ADORA2A: variants seen among roughly 807,000 people sequenced by gnomAD.
ADORA2A encodes the protein adenosine receptor A2a.
ADORA2A carries 11 observed loss-of-function variants against 18.4 expected under a neutral mutation model. That is an observed-to-expected ratio of 0.60 (90% CI 0.38 to 0.99). The LOEUF is 0.99. Ranked by LOEUF, ADORA2A falls within the 50% of genes least tolerant of loss-of-function variation. The probability of loss-of-function intolerance (pLI) is 0.01; values close to 1 mark genes in which losing one functional copy is unlikely to be tolerated. For synonymous variants in ADORA2A, 218 were observed against 237.3 expected (o/e 0.92, Z 0.75); for missense variants, 449 against 556.1 (o/e 0.81, Z 1.94).
chr22:24,433,369 C>G lies in ADORA2A; in HGVS notation c.-36C>G. The G allele has an allele frequency of 6.5e-7, 1 of 1,549,552 alleles. No individual in the cohort carries two copies. Among genetic ancestry groups the G allele is most frequent in the Non-Finnish European group, 8.8e-7 (1 of 1,142,524 alleles). ...GCAATGGACCGTGAGCTGGCCCAGC[C>G]CGCGTCCGTGCTGAGCCTGCCTGTC... is the stretch of plus-strand genomic sequence containing the variant. On this transcript the variant is annotated 5_prime_UTR_variant, in exon 2 of 3. Coordinates refer to ENST00000337539, the MANE Select transcript of ADORA2A (RefSeq NM_000675.6).
upstream of ADORA2A, among the ~76,000 whole-genome samples, chr22:24,424,247 C>T (rs1314386998): frequency 6.6e-6 from 1 of 151,920 alleles, no homozygotes; most frequent in Admixed American, 6.5e-5. The surrounding 1 kb of genome is among the most constrained non-coding windows in gnomAD (Gnocchi z 4.9). Context: ...GCGTGCGGGA[C>T]CCTCCGAGCT....
intron 2 of ADORA2A, 74 bp from the exon 3 acceptor site, chr22:24,440,509 C>G (rs2043312355): frequency 7.0e-7 from 1 of 1,429,160 alleles, no homozygotes; most frequent in African/African-American, 1.4e-5. Flanking sequence ...ACGGGTGCTG[C>G]TCTGGGGTTC....
In ADORA2A at chr22:24,440,897, T is replaced by A; in HGVS notation, c.647T>A (p.Leu216Gln). 6.2e-7 allele frequency: 1 copy of A among 1,614,210 alleles called. No individual in the cohort carries two copies. The highest frequency in any genetic ancestry group is 8.5e-7 in the Non-Finnish European group (1 of 1,180,034). ...RQLKQMESQP[L>Q]PGERARSTLQ... Reference sequence around the variant, plus strand: ...CTGAAGCAGATGGAGAGCCAGCCTCTGCCGGGGGAGCGGGCACGGTCCACA... The same window carrying A: ...CTGAAGCAGATGGAGAGCCAGCCTCAGCCGGGGGAGCGGGCACGGTCCACA... Residue 216 changes from leucine to glutamine, a missense_variant, in exon 3 of 3, where the codon CTG becomes CAG. Transcript: ENST00000337539.
At chr22:24,434,147 G>A (rs550867944) in intron 2 of ADORA2A, among the ~76,000 whole-genome samples, 225 of 152,324 alleles carry the variant, frequency 1.5e-3, no homozygotes, top group African/African-American at 5.2e-3. Flanking sequence ...ATGCTGGGGT[G>A]GAGTGGGGAG....
chr22:24,431,503 G>A (rs1344301577), intron 1 of ADORA2A: 1 of 456,792 alleles, frequency 2.2e-6, no homozygotes, highest in Non-Finnish European at 4.4e-6. Context: ...CTTTGAACAG[G>A]GCTCAGGACC....
rs116074839 is a variant in ADORA2A, at chr22:24,437,261, A to T, written c.333-3322A>T. Reference sequence around the variant, plus strand: ...AGGGTGGGCAGCAGCTCTGGGACCCACATTCTCTGACATGCCTGGGCACCC... The same window carrying T: ...AGGGTGGGCAGCAGCTCTGGGACCCTCATTCTCTGACATGCCTGGGCACCC... On this transcript the variant is annotated intron_variant, in intron 2 of 2. Coordinates refer to ENST00000337539, the MANE Select transcript of ADORA2A (RefSeq NM_000675.6). Among the ~76,000 whole-genome samples, 1,278 of 152,352 alleles carry T rather than the reference A, an allele frequency of 8.4e-3. 12 individuals carry two copies. Among genetic ancestry groups the T allele is most frequent in the African/African-American group, 0.028 (1,156 of 41,584 alleles).
At chr22:24,438,696 C>CCTCTGGGCT (rs1264764408) in intron 2 of ADORA2A, 3 of 152,228 alleles carry the variant, frequency 2.0e-5, no homozygotes, top group Admixed American at 2.0e-4. Context: ...GCCTGAGTTG[C>CCTCTGGGCT]CTCTGGGCTC....
Position 24,441,294 on chromosome 22 carries a change from C to G in ADORA2A, c.1044C>G (p.Asn348Lys). Residue 348 changes from asparagine to lysine, a missense_variant, in exon 3 of 3, where the codon AAC (asparagine) becomes AAG (lysine). Coordinates refer to ENST00000337539, the MANE Select transcript of ADORA2A (RefSeq NM_000675.6). ...LNGHPPGVWA[N>K]GSAPHPERRP... ...GCCACCCGCCAGGAGTGTGGGCCAA[C>G]GGCAGTGCTCCCCACCCTGAGCGGA... 1 of 1,610,960 alleles carries G rather than the reference C, an allele frequency of 6.2e-7. No homozygotes were observed. The highest frequency in any genetic ancestry group is 8.5e-7 in the Non-Finnish European group (1 of 1,178,150).
At chr22:24,435,250 CAG>C (rs1434421626) in intron 2 of ADORA2A, among the ~76,000 whole-genome samples, 1 of 152,202 alleles carries the variant, frequency 6.6e-6, no homozygotes, top group African/African-American at 2.4e-5. Flanking sequence ...ACGGGCAGAG[CAG>C]AGTTTAGGTT....
At chr22:24,431,078 G>A (rs1170222577) in intron 1 of ADORA2A, 1 of 454,494 alleles carries the variant, frequency 2.2e-6, no homozygotes, top group Admixed American at 2.4e-5. Flanking sequence ...GAGCATCAGG[G>A]ATAACTGTGT....
chr22:24,437,149 T>C (rs913544236), intron 2 of ADORA2A, among the ~76,000 whole-genome samples: 3 of 152,140 alleles, frequency 2.0e-5, no homozygotes, highest in Non-Finnish European at 4.4e-5. Flanking sequence ...GACCATAGGG[T>C]GAGCCCCCAG....
chr22:24,430,707 C>T (rs543460555), intron 1 of ADORA2A, among the ~76,000 whole-genome samples: 10 of 152,376 alleles, frequency 6.6e-5, no homozygotes, highest in African/African-American at 2.2e-4. Context: ...ACCTTGTTTG[C>T]CCCCAGCAAG....
rs1234776604 is a variant in ADORA2A at position 24,440,717 on chromosome 22, C to A, written c.467C>A (p.Ser156Tyr). ...CAGCCAAAGGAGGGCAAGAACCACT[C>A]CCAGGGCTGCGGGGAGGGCCAAGTG... Reference protein sequence around the residue: ...CGQPKEGKNHSQGCGEGQVAC... With the variant: ...CGQPKEGKNHYQGCGEGQVAC... Residue 156 changes from serine (S) to tyrosine (Y), a missense_variant, in exon 3 of 3, where the codon TCC (serine) becomes TAC (tyrosine). Coordinates refer to ENST00000337539, the MANE Select transcript of ADORA2A (RefSeq NM_000675.6). 2 of 1,614,180 alleles carry A rather than the reference C, an allele frequency of 1.2e-6. No homozygotes were observed. The highest frequency in any genetic ancestry group is 2.2e-5 in the East Asian group (1 of 44,884).
intron 1 of ADORA2A, among the ~76,000 whole-genome samples, chr22:24,430,656 C>A (rs2043008973): frequency 6.6e-6 from 1 of 152,260 alleles, no homozygotes; most frequent in African/African-American, 2.4e-5. Context: ...GGTGATGGGA[C>A]TGGGGAGTCC....
In ADORA2A at chr22:24,433,425, G is replaced by A. The variant is rs201570977; in HGVS notation, c.21G>A (p.Ser7=). The change falls in exon 2 of 3, where the codon TCG becomes TCA. Residue 7 remains serine (S), a synonymous_variant. Transcript: ENST00000337539. MPIMGS[S]VYITVELAIA... Reference sequence around the variant, plus strand: ...TGGCCATGCCCATCATGGGCTCCTCGGTGTACATCACGGTGGAGCTGGCCA... The same window carrying A: ...TGGCCATGCCCATCATGGGCTCCTCAGTGTACATCACGGTGGAGCTGGCCA... 52 of 1,612,934 alleles carry A rather than the reference G, an allele frequency of 3.2e-5. No homozygotes were observed. The highest frequency in any genetic ancestry group is 2.0e-4 in the South Asian group (18 of 90,980).
rs368825603 is a variant in ADORA2A, at chr22:24,433,371, G to C, written c.-34G>C. 2 of 1,563,684 alleles carry C rather than the reference G, an allele frequency of 1.3e-6. No individual in the cohort carries two copies. The highest frequency in any genetic ancestry group is 4.8e-5 in the East Asian group (2 of 41,932). On this transcript the variant is annotated 5_prime_UTR_variant, in exon 2 of 3. Coordinates refer to ENST00000337539, the MANE Select transcript of ADORA2A (RefSeq NM_000675.6). ...AATGGACCGTGAGCTGGCCCAGCCC[G>C]CGTCCGTGCTGAGCCTGCCTGTCGT... is the stretch of plus-strand genomic sequence containing the variant.
At chr22:24,439,186 A>G (rs2330771) in intron 2 of ADORA2A, 149,826 of 150,222 alleles carry the variant, frequency 1, 74,726 homozygotes, top group Non-Finnish European at 1. Context: ...CTGGGTTCAC[A>G]CCATTCTCCT....
At chr22:24,425,070 C>A (rs564790593), upstream of ADORA2A, among the ~76,000 whole-genome samples, 1 of 152,150 alleles carries the variant, frequency 6.6e-6, no homozygotes, top group Non-Finnish European at 1.5e-5. Flanking sequence ...ACAGGGCCTT[C>A]TCCCCTATTG....
At chr22:24,428,501 C>G (rs1317765491) in intron 1 of ADORA2A, among the ~76,000 whole-genome samples, 1 of 152,212 alleles carries the variant, frequency 6.6e-6, no homozygotes, top group African/African-American at 2.4e-5. Context: ...ATCCACCTGT[C>G]CTTGTTTCAT....
Sources: allele counts gnomAD v4.1 joint callset (sites outside exome capture counted in the v4.1 genomes callset), GRCh38; gene constraint gnomAD v4.1.1; non-coding constraint Gnocchi (gnomAD v3.1); transcripts MANE v1.5; gene names NCBI Gene and HGNC (gene_info 2026-07-23, HGNC 2026-07-21).